Variants in BMP5 observed in about 807,000 individuals in gnomAD.
The protein encoded by BMP5 is bone morphogenetic protein 5.
BMP5 carries 23 observed loss-of-function variants against 46.6 expected under a neutral mutation model. The ratio of observed to expected loss-of-function variants is 0.49; its 90% CI spans 0.35 to 0.70. The LOEUF is 0.70. Among genes scored for constraint, BMP5 ranks in the 30% least tolerant of loss-of-function variants. The probability of loss-of-function intolerance (pLI) is 0.00; values close to 1 mark genes in which losing one functional copy is unlikely to be tolerated. For synonymous variants in BMP5, 204 were observed against 191.9 expected (o/e 1.06, Z -0.52); for missense variants, 545 against 565.6 (o/e 0.96, Z 0.37).
intron 3 of BMP5, 24 bp from the exon 4 acceptor site, chr6:55,774,267 T>C: frequency 6.2e-7 from 1 of 1,606,580 alleles, no homozygotes; most frequent in Non-Finnish European, 8.5e-7. Context: ...CAAAAGCACT[T>C]GGTTTATGAA....
At chr6:55,835,356 T>C (rs1314592674) in intron 1 of BMP5, among the ~76,000 whole-genome samples, 2 of 152,150 alleles carry the variant, frequency 1.3e-5, no homozygotes, top group Non-Finnish European at 2.9e-5. Flanking sequence ...GGGGCAAAAC[T>C]TCCTAACTGA....
chr6:55,773,460 C>T (rs9475400), intron 4 of BMP5, among the ~76,000 whole-genome samples: 24,075 of 151,498 alleles, frequency 0.16, 2,313 homozygotes, highest in African/African-American at 0.27. Flanking sequence ...CAAAGACTGA[C>T]ATGAATTGTG....
At chr6:55,867,767 C>G (rs1361470086) in intron 1 of BMP5, among the ~76,000 whole-genome samples, 1 of 152,114 alleles carries the variant, frequency 6.6e-6, no homozygotes, top group Non-Finnish European at 1.5e-5. Context: ...TGCAGATTAT[C>G]TCAACATTCA....
intron 1 of BMP5, among the ~76,000 whole-genome samples, chr6:55,862,287 C>A (rs758746333): frequency 6.6e-6 from 1 of 152,106 alleles, no homozygotes; most frequent in Non-Finnish European, 1.5e-5. Flanking sequence ...GAATATTGGT[C>A]GATTTTTCTC....
chr6:55,837,439 T>A (rs1322977276), intron 1 of BMP5, among the ~76,000 whole-genome samples: 1 of 152,192 alleles, frequency 6.6e-6, no homozygotes, highest in Non-Finnish European at 1.5e-5. Flanking sequence ...TACTTTGGTA[T>A]ACTTTGGCTA....
chr6:55,767,675 T>G (rs149934919), intron 4 of BMP5, among the ~76,000 whole-genome samples: 16 of 151,986 alleles, frequency 1.1e-4, no homozygotes, highest in Non-Finnish European at 2.4e-4. Flanking sequence ...AGGGCACAGA[T>G]AGCAACTTTT....
intron 2 of BMP5, among the ~76,000 whole-genome samples, chr6:55,813,950 T>A (rs1271553264): frequency 1.3e-5 from 2 of 152,186 alleles, no homozygotes; most frequent in African/African-American, 2.4e-5. Context: ...ATATCTGCAA[T>A]GTTTCTGTAA....
intron 1 of BMP5, among the ~76,000 whole-genome samples, chr6:55,862,516 G>C (rs187371070): frequency 3.5e-4 from 53 of 152,220 alleles, no homozygotes; most frequent in African/African-American, 1.2e-3. Context: ...TAAAATATGG[G>C]TGAAAATCTT....
At chr6:55,865,455 G>T in intron 1 of BMP5, 1 of 495,386 alleles carries the variant, frequency 2.0e-6, no homozygotes, top group East Asian at 5.7e-5. Flanking sequence ...AGAAAATGTT[G>T]CTTTTGGGTC....
At chr6:55,860,335 A>T (rs1392252138) in intron 1 of BMP5, among the ~76,000 whole-genome samples, 1 of 152,190 alleles carries the variant, frequency 6.6e-6, no homozygotes, top group Non-Finnish European at 1.5e-5. Context: ...CCTGACAAAG[A>T]ACTCTGATTA....
At chr6:55,760,354 A>C (rs1774739841) in intron 5 of BMP5, 103 bp downstream of exon 5, 3 of 1,008,032 alleles carry the variant, frequency 3.0e-6, no homozygotes, top group Non-Finnish European at 4.7e-6. Context: ...CATGTCAAAA[A>C]TCATTGGGTA....
At chr6:55,788,945 C>T (rs563421593) in intron 3 of BMP5, among the ~76,000 whole-genome samples, 53 of 151,806 alleles carry the variant, frequency 3.5e-4, no homozygotes, top group Non-Finnish European at 5.8e-4. Context: ...TTTAATACCT[C>T]TGAAATCTTT....
At chr6:55,820,745 T>C (rs982661628) in intron 1 of BMP5, among the ~76,000 whole-genome samples, 1 of 145,482 alleles carries the variant, frequency 6.9e-6, no homozygotes. Context: ...TGTTTGTTTG[T>C]TTGTTTGCTT....
chr6:55,778,561 A>G (rs1040992104), intron 3 of BMP5, among the ~76,000 whole-genome samples: 2 of 152,038 alleles, frequency 1.3e-5, no homozygotes, highest in Non-Finnish European at 2.9e-5. Context: ...AAAACAAAAA[A>G]CAAACAAAAA....
At chr6:55,814,838 A>G (rs1776216416) in intron 2 of BMP5, among the ~76,000 whole-genome samples, 1 of 152,238 alleles carries the variant, frequency 6.6e-6, no homozygotes, top group Non-Finnish European at 1.5e-5. Flanking sequence ...AGTATATAAA[A>G]TTGAAATATG....
intron 4 of BMP5, among the ~76,000 whole-genome samples, chr6:55,768,391 TCA>T (rs1774967986): frequency 1.3e-5 from 2 of 152,090 alleles, no homozygotes; most frequent in South Asian, 4.1e-4. Flanking sequence ...ATTCTGTTTT[TCA>T]CTTTCAGTAG....
At chr6:55,834,948 T>C (rs1776754138) in intron 1 of BMP5, among the ~76,000 whole-genome samples, 1 of 152,066 alleles carries the variant, frequency 6.6e-6, no homozygotes, top group Non-Finnish European at 1.5e-5. Flanking sequence ...TAGCTGGGCA[T>C]GGTGGCAGGT....
At chr6:55,833,932 T>C (rs906833502) in intron 1 of BMP5, among the ~76,000 whole-genome samples, 1 of 152,170 alleles carries the variant, frequency 6.6e-6, no homozygotes, top group Non-Finnish European at 1.5e-5. Flanking sequence ...ATAACAGTTA[T>C]GAGATATTAT....
chr6:55,759,951 C>T (rs1774724504), intron 5 of BMP5, among the ~76,000 whole-genome samples: 1 of 151,834 alleles, frequency 6.6e-6, no homozygotes, highest in South Asian at 2.1e-4. Flanking sequence ...TAAACTGTCA[C>T]CACATAGAGC....
Sources: allele counts gnomAD v4.1 joint callset (sites outside exome capture counted in the v4.1 genomes callset), GRCh38; gene constraint gnomAD v4.1.1; transcripts MANE v1.5; gene names NCBI Gene and HGNC (gene_info 2026-07-23, HGNC 2026-07-21).